The following LRP6 variants were observed in gnomAD, a reference collection of about 807,000 sequenced individuals.
LRP6 encodes LDL receptor related protein 6.
LRP6 carries 43 observed loss-of-function variants against 184.1 expected under a neutral mutation model. The ratio of observed to expected loss-of-function variants is 0.23; its 90% CI spans 0.18 to 0.30. LRP6 has a LOEUF of 0.30. Ranked by LOEUF, LRP6 falls within the 10% of genes least tolerant of loss-of-function variation. LRP6 has a pLI of 1.00. For missense variants in LRP6, 1,571 were observed against 2,005.3 expected (o/e 0.78, Z 4.14); for synonymous variants, 719 against 684.9 (o/e 1.05, Z -0.78).
At chr12:12,180,667 G>C (rs527368053) in intron 6 of LRP6, among the ~76,000 whole-genome samples, 1 of 152,234 alleles carries the variant, frequency 6.6e-6, no homozygotes, top group South Asian at 2.1e-4. Flanking sequence ...GGAAAAAAAA[G>C]TAAGCTATAT....
In LRP6 at chr12:12,266,793, C is replaced by A; in HGVS notation, c.-58G>T. ...GAGGGGTGGCCAGAAGTGGGGGAGG[C>A]GAGGAGCCGGGGCGGCCGCCGCAGC... On this transcript the variant is annotated 5_prime_UTR_variant, in exon 1 of 23. Transcript: ENST00000261349. The A allele has an allele frequency of 6.8e-7, 1 of 1,463,580 alleles. No homozygotes were observed. The highest frequency in any genetic ancestry group is 9.4e-7 in the Non-Finnish European group (1 of 1,060,510). 90.7% of individuals were successfully genotyped at this position (1,463,580 alleles called of 1,614,324 possible).
chr12:12,208,210 T>A (rs1864116917), intron 2 of LRP6, among the ~76,000 whole-genome samples: 1 of 152,212 alleles, frequency 6.6e-6, no homozygotes, highest in Admixed American at 6.5e-5. Context: ...AAGCTATAGA[T>A]GTAAAATCAA....
chr12:12,244,721 G>A (rs577170832), intron 1 of LRP6, 66 bp from the exon 2 acceptor site: 34 of 1,513,758 alleles, frequency 2.2e-5, no homozygotes, highest in Middle Eastern at 1.8e-4. Context: ...TATAAACTGC[G>A]TTTCAAATCG....
rs945953884 is a variant in LRP6 at position 12,265,137 on chromosome 12, A to G, written c.55+1544T>C. On this transcript the variant is annotated intron_variant, in intron 1 of 22. Transcript: ENST00000261349. ...ATTAACCTTATGTCTTAAAATACAT[A>G]CATATTCTTATGTCAAATATAGTTG... Among the ~76,000 whole-genome samples, 3 of 152,234 alleles carry G rather than the reference A, an allele frequency of 2.0e-5. No homozygotes were observed. The South Asian group carries it at 6.2e-4, about 31-fold the overall frequency.
intron 5 of LRP6, among the ~76,000 whole-genome samples, chr12:12,181,809 T>C (rs867286877): frequency 6.6e-6 from 1 of 152,186 alleles, no homozygotes; most frequent in East Asian, 1.9e-4. Flanking sequence ...AAGCATTTTT[T>C]AAAAAAAGAT....
chr12:12,244,193 G>T, intron 2 of LRP6, 69 bp downstream of exon 2: 1 of 1,458,452 alleles, frequency 6.9e-7, no homozygotes. Flanking sequence ...AGGGGTCAGG[G>T]TGGTGTATGT....
At chr12:12,138,170 C>T (rs1452832855) in intron 16 of LRP6, among the ~76,000 whole-genome samples, 155 bp downstream of exon 16, 3 of 148,130 alleles carry the variant, frequency 2.0e-5, no homozygotes, top group South Asian at 2.1e-4. Flanking sequence ...GACTCCGTCT[C>T]CAAAAAAAAA....
chr12:12,224,909 A>C (rs1055472678), intron 2 of LRP6, among the ~76,000 whole-genome samples: 3 of 152,216 alleles, frequency 2.0e-5, no homozygotes, highest in Admixed American at 2.0e-4. Context: ...AATCCAAATT[A>C]AAACCTTCTG....
At chr12:12,175,678 G>A (rs998337043) in intron 7 of LRP6, among the ~76,000 whole-genome samples, 3 of 148,998 alleles carry the variant, frequency 2.0e-5, no homozygotes, top group Non-Finnish European at 3.0e-5. Context: ...ACGACAGAGC[G>A]AGACTCCGTC....
chr12:12,230,285 C>T (rs1448426526), intron 2 of LRP6, among the ~76,000 whole-genome samples: 2 of 152,256 alleles, frequency 1.3e-5, no homozygotes, highest in East Asian at 3.9e-4. Context: ...ATTTTTATTA[C>T]AATCCAAAGC....
Position 12,209,830 on chromosome 12 carries a change from G to A in LRP6, c.450-6430C>T, listed in dbSNP as rs190453837. Among the ~76,000 whole-genome samples the A allele has an allele frequency of 3.3e-5, 5 of 152,200 alleles. No individual in the cohort carries two copies. In the East Asian group the frequency reaches 7.7e-4, roughly 24 times the overall value. ...CAAAACTATTGCCCTTACGAAATTC[G>A]CAATGTAGACAAGGAGTGGCAAGTA... On this transcript the variant is annotated intron_variant, in intron 2 of 22. Transcript: ENST00000261349.
At chr12:12,179,325 T>G (rs1314316038) in intron 7 of LRP6, among the ~76,000 whole-genome samples, 1 of 151,990 alleles carries the variant, frequency 6.6e-6, no homozygotes. Context: ...TTTAATATAT[T>G]CTACCATCTG....
At chr12:12,186,676 T>TTTTTA in intron 4 of LRP6, 26 of 407,518 alleles carry the variant, frequency 6.4e-5, no homozygotes, top group Admixed American at 1.2e-4. Context: ...TTTTTTTTTT[T>TTTTTA]GAGACACAGT....
chr12:12,168,557 T>C (rs1703970343), intron 7 of LRP6, among the ~76,000 whole-genome samples: 2 of 152,126 alleles, frequency 1.3e-5, no homozygotes, highest in Non-Finnish European at 2.9e-5. Flanking sequence ...ATAAGGAGAA[T>C]TACAGAAAGC....
In LRP6 at chr12:12,125,324, G is replaced by A. The variant is rs1198971320; in HGVS notation, c.4421C>T (p.Ser1474Leu). ...AGGGAAGTAAGTGCCTTTGGTGCTT[G>A]AAGAACTACTTGATGATGCTCCTGT... ...HVTGASSSSS[S>L]STKGTYFPAI... Residue 1474 changes from serine to leucine, a missense_variant, in exon 21 of 23, where the codon TCA (serine) becomes TTA (leucine). Transcript: ENST00000261349. 1.9e-6 allele frequency: 3 copies of A among 1,613,982 alleles called. No homozygotes were observed. Among genetic ancestry groups the A allele is most frequent in the Non-Finnish European group, 2.5e-6 (3 of 1,180,000 alleles).
intron 8 of LRP6, 65 bp downstream of exon 8, chr12:12,165,014 G>A: frequency 1.6e-6 from 2 of 1,215,884 alleles, no homozygotes; most frequent in South Asian, 1.2e-5. Context: ...AATTTACACT[G>A]CTGACTATCT....
intron 1 of LRP6, among the ~76,000 whole-genome samples, chr12:12,263,610 A>G (rs371905441): frequency 2.7e-5 from 4 of 150,432 alleles, no homozygotes; most frequent in South Asian, 2.1e-4. Flanking sequence ...CGAGAGGCGG[A>G]GGTGGGAGGA....
chr12:12,266,181 T>C (rs1865753548), intron 1 of LRP6, among the ~76,000 whole-genome samples: 1 of 152,076 alleles, frequency 6.6e-6, no homozygotes, highest in Non-Finnish European at 1.5e-5. Flanking sequence ...AAGCCAATCA[T>C]TACCTGTAAC....
intron 2 of LRP6, among the ~76,000 whole-genome samples, chr12:12,235,652 C>T (rs1030794478): frequency 5.3e-5 from 8 of 152,010 alleles, no homozygotes; most frequent in South Asian, 2.1e-4. Flanking sequence ...ATCACTTGAA[C>T]CCGGGAGGTG....
Sources: gnomAD v4.1 joint callset for allele counts (sites outside exome capture counted in the v4.1 genomes callset) on GRCh38, gnomAD v4.1.1 for gene constraint, MANE v1.5 for transcripts, NCBI Gene and HGNC (gene_info 2026-07-23, HGNC 2026-07-21) for gene names.